The following PDE4D variants were observed in gnomAD, a reference collection of about 807,000 sequenced individuals.
PDE4D encodes phosphodiesterase 4D.
Under a neutral mutation model 87.4 loss-of-function variants are expected in PDE4D, and 24 were observed. The ratio of observed to expected loss-of-function variants is 0.27; its 90% CI spans 0.20 to 0.39. PDE4D has a LOEUF of 0.39. PDE4D is among the 10% of genes least tolerant of loss of function. PDE4D has a pLI of 1.00. For missense variants in PDE4D, 714 were observed against 1,041.0 expected, an observed-to-expected ratio of 0.69 and a Z score of 4.32; for synonymous variants, 384 against 383.2, an observed-to-expected ratio of 1.00 and a Z score of -0.02.
At chr5:60,075,726 T>C (rs1365438324) in intron 2 of PDE4D, among the ~76,000 whole-genome samples, 2 of 152,324 alleles carry the variant, frequency 1.3e-5, no homozygotes, top group Middle Eastern at 3.4e-3. Context: ...TTTTTCTTTA[T>C]TCTTGTCTGA....
intron 6 of PDE4D, among the ~76,000 whole-genome samples, chr5:59,030,094 A>G (rs1047002659): frequency 2.0e-5 from 3 of 152,148 alleles, no homozygotes; most frequent in African/African-American, 7.2e-5. Flanking sequence ...AGAAGAAAAT[A>G]TAAGGGAAAA....
At chr5:59,407,656 G>A (rs1014150664) in intron 1 of PDE4D, among the ~76,000 whole-genome samples, 6 of 152,188 alleles carry the variant, frequency 3.9e-5, no homozygotes, top group African/African-American at 9.7e-5. Flanking sequence ...AGTAAAGTCC[G>A]TGCTGACAAA....
At chr5:59,286,454 G>T (rs536764035) in intron 1 of PDE4D, among the ~76,000 whole-genome samples, 1 of 152,084 alleles carries the variant, frequency 6.6e-6, no homozygotes, top group African/African-American at 2.4e-5. Flanking sequence ...TAAACAAATC[G>T]TATTTTAAGT....
chr5:60,432,219 G>A (rs1011708317), intron 1 of PDE4D, among the ~76,000 whole-genome samples: 5 of 152,166 alleles, frequency 3.3e-5, no homozygotes, highest in South Asian at 2.1e-4. Flanking sequence ...AAGTTTTTAC[G>A]TTGTTGTTAT....
intron 5 of PDE4D, among the ~76,000 whole-genome samples, chr5:59,067,057 C>T (rs191202307): frequency 1.5e-4 from 22 of 151,694 alleles, no homozygotes; most frequent in Admixed American, 9.9e-4. Flanking sequence ...CTCTGTCACT[C>T]GGGCTGGATT....
At chr5:59,252,251 T>C (rs2153529998) in intron 1 of PDE4D, among the ~76,000 whole-genome samples, 1 of 152,318 alleles carries the variant, frequency 6.6e-6, no homozygotes, top group South Asian at 2.1e-4. Flanking sequence ...TCTGCTATAC[T>C]TTATTTTTAA....
At chr5:59,267,430 G>A (rs1763029815) in intron 1 of PDE4D, among the ~76,000 whole-genome samples, 1 of 152,030 alleles carries the variant, frequency 6.6e-6, no homozygotes, top group Non-Finnish European at 1.5e-5. Flanking sequence ...ACAAGAAAGA[G>A]AATTAGATAC....
intron 1 of PDE4D, among the ~76,000 whole-genome samples, chr5:60,193,368 T>C (rs1426197725): frequency 2.6e-5 from 4 of 151,620 alleles, no homozygotes; most frequent in Non-Finnish European, 5.9e-5. Context: ...AAATGCAATA[T>C]GGGTGGAAAA....
At chr5:60,470,423 C>T (rs1026303638) in intron 1 of PDE4D, among the ~76,000 whole-genome samples, 1 of 152,158 alleles carries the variant, frequency 6.6e-6, no homozygotes, top group African/African-American at 2.4e-5. Flanking sequence ...AAGGTAGCTA[C>T]ACTGAACAAC....
chr5:59,037,206 A>G (rs1051944934), intron 6 of PDE4D, among the ~76,000 whole-genome samples: 1 of 152,224 alleles, frequency 6.6e-6, no homozygotes, highest in Non-Finnish European at 1.5e-5. Flanking sequence ...TATGGATTTT[A>G]GGGAAAGTAA....
chr5:59,751,574 G>GGGGTGTGT (rs112024458), intron 1 of PDE4D, among the ~76,000 whole-genome samples: 1 of 142,630 alleles, frequency 7.0e-6, no homozygotes, highest in Non-Finnish European at 1.5e-5. Context: ...ATAAATCCCT[G>GGGGTGTGT]GTGTGTGTGT....
intron 1 of PDE4D, among the ~76,000 whole-genome samples, chr5:59,636,001 A>C (rs2150168680): frequency 6.6e-6 from 1 of 152,346 alleles, no homozygotes; most frequent in Non-Finnish European, 1.5e-5. Flanking sequence ...GTCTCAGCCC[A>C]AAAACTCCTT....
intron 1 of PDE4D, among the ~76,000 whole-genome samples, chr5:59,683,265 G>A (rs1749326409): frequency 6.6e-6 from 1 of 152,170 alleles, no homozygotes; most frequent in African/African-American, 2.4e-5. Flanking sequence ...ATGAGAGACA[G>A]AGATTGAATA....
At chr5:59,203,515 T>C (rs1561701268) in intron 2 of PDE4D, among the ~76,000 whole-genome samples, 1 of 152,110 alleles carries the variant, frequency 6.6e-6, no homozygotes, top group East Asian at 1.9e-4. Context: ...GAAATCAGTA[T>C]GTCAAAGAGA....
chr5:60,377,647 G>A (rs1247347692), intron 1 of PDE4D, among the ~76,000 whole-genome samples: 1 of 152,076 alleles, frequency 6.6e-6, no homozygotes, highest in African/African-American at 2.4e-5. Context: ...GCCAAGAACT[G>A]CAAAGAATGA....
chr5:59,226,054 C>T (rs1275946149), intron 1 of PDE4D, among the ~76,000 whole-genome samples: 1 of 151,582 alleles, frequency 6.6e-6, no homozygotes, highest in East Asian at 1.9e-4. Flanking sequence ...GATGGTGGGA[C>T]TGTAAAGTGA....
In PDE4D at chr5:59,692,017, G is replaced by A. The variant is rs149284783; in HGVS notation, c.455+201151C>T. On this transcript the variant is annotated intron_variant, in intron 1 of 14. Transcript: ENST00000340635. ...CTATAAGTAGGTCATAGATATTTAC[G>A]TTTCTTGTTAAAATATATGATAGGA... Among the ~76,000 whole-genome samples the A allele has an allele frequency of 9.3e-3, 1,418 of 152,080 alleles. 9 individuals carry two copies. Among genetic ancestry groups the A allele is most frequent in the Non-Finnish European group, 0.015 (1,042 of 67,972 alleles).
intron 1 of PDE4D, among the ~76,000 whole-genome samples, chr5:60,280,097 A>G (rs1380888509): frequency 6.6e-6 from 1 of 152,142 alleles, no homozygotes; most frequent in Non-Finnish European, 1.5e-5. Flanking sequence ...AGAAAAAAGG[A>G]GAGATACTCT....
intron 1 of PDE4D, among the ~76,000 whole-genome samples, chr5:59,365,344 A>G (rs1380160716): frequency 6.6e-6 from 1 of 151,988 alleles, no homozygotes; most frequent in Non-Finnish European, 1.5e-5. Context: ...CTGGGGTCCT[A>G]GCTACTTGGG....
Sources: allele counts gnomAD v4.1 joint callset (sites outside exome capture counted in the v4.1 genomes callset), GRCh38; gene constraint gnomAD v4.1.1; transcripts MANE v1.5; gene names NCBI Gene and HGNC (gene_info 2026-07-23, HGNC 2026-07-21).